Variants in PCDH9 observed in about 807,000 individuals in gnomAD.
PCDH9 encodes protocadherin 9.
Under a neutral mutation model 70.6 loss-of-function variants are expected in PCDH9, and 24 were observed. That is an observed-to-expected ratio of 0.34 (90% CI 0.25 to 0.48). The LOEUF (loss-of-function observed/expected upper bound fraction) is 0.48, where lower values mean the gene tolerates loss of function less well. Ranked by LOEUF, PCDH9 falls within the 20% of genes least tolerant of loss-of-function variation. PCDH9 has a pLI of 0.99. For missense variants in PCDH9, 1,281 were observed against 1,503.6 expected, an observed-to-expected ratio of 0.85 and a Z score of 2.45; for synonymous variants, 562 against 558.5, an observed-to-expected ratio of 1.01 and a Z score of -0.09.
intron 2 of PCDH9, among the ~76,000 whole-genome samples, chr13:66,927,509 G>T (rs926342444): frequency 6.6e-6 from 1 of 152,016 alleles, no homozygotes; most frequent in Non-Finnish European, 1.5e-5. Flanking sequence ...GTTTACCTAT[G>T]TAACAAACCT....
intron 3 of PCDH9, among the ~76,000 whole-genome samples, chr13:66,856,838 G>A (rs543143289): frequency 5.3e-5 from 8 of 152,030 alleles, no homozygotes; most frequent in South Asian, 4.2e-4. Context: ...CCAAAATAGC[G>A]TTTCTACAAT....
chr13:66,431,616 G>C (rs1276240714), intron 4 of PCDH9, among the ~76,000 whole-genome samples: 1 of 151,900 alleles, frequency 6.6e-6, no homozygotes, highest in Non-Finnish European at 1.5e-5. Context: ...AGTATAACAT[G>C]AACATACATG....
chr13:66,839,944 C>T (rs1289728441), intron 3 of PCDH9, among the ~76,000 whole-genome samples: 1 of 152,192 alleles, frequency 6.6e-6, no homozygotes, highest in Non-Finnish European at 1.5e-5. Flanking sequence ...ATTCTTCTTT[C>T]ATATTTTGCC....
chr13:67,120,972 T>A (rs1052381695), intron 2 of PCDH9, among the ~76,000 whole-genome samples: 2 of 151,754 alleles, frequency 1.3e-5, no homozygotes, highest in Non-Finnish European at 2.9e-5. Flanking sequence ...AGAAGAAGCA[T>A]TCCATTGTTA....
chr13:66,658,841 A>T (rs2139010370), intron 3 of PCDH9, among the ~76,000 whole-genome samples: 1 of 152,176 alleles, frequency 6.6e-6, no homozygotes, highest in East Asian at 1.9e-4. Flanking sequence ...ACATTTTTAA[A>T]GCATTTATTG....
intron 2 of PCDH9, among the ~76,000 whole-genome samples, chr13:67,098,407 A>C (rs2086365520): frequency 6.6e-6 from 1 of 152,178 alleles, no homozygotes; most frequent in Admixed American, 6.5e-5. Context: ...TTTAACATTA[A>C]GCGTAATAAA....
intron 2 of PCDH9, among the ~76,000 whole-genome samples, chr13:67,099,462 A>C (rs2086388391): frequency 6.6e-6 from 1 of 152,170 alleles, no homozygotes; most frequent in Non-Finnish European, 1.5e-5. Flanking sequence ...CTATATATCT[A>C]ACTTAAGGGA....
intron 4 of PCDH9, among the ~76,000 whole-genome samples, chr13:66,383,358 T>C (rs1386178366): frequency 6.6e-6 from 1 of 152,188 alleles, no homozygotes; most frequent in Admixed American, 6.5e-5. Context: ...CTAAGAAAAA[T>C]TGAGTGCTTG....
At chr13:67,107,054 C>G (rs1366013149) in intron 2 of PCDH9, among the ~76,000 whole-genome samples, 1 of 152,186 alleles carries the variant, frequency 6.6e-6, no homozygotes, top group African/African-American at 2.4e-5. Flanking sequence ...GGCAGACAGG[C>G]TCCTTGATGG....
intron 2 of PCDH9, among the ~76,000 whole-genome samples, chr13:67,155,622 C>G (rs2087790308): frequency 6.6e-6 from 1 of 152,058 alleles, no homozygotes; most frequent in Non-Finnish European, 1.5e-5. Context: ...GGGCATCCTC[C>G]TTTTCCCTCT....
At chr13:66,673,782 G>A (rs184433104) in intron 3 of PCDH9, among the ~76,000 whole-genome samples, 105 of 152,112 alleles carry the variant, frequency 6.9e-4, no homozygotes, top group African/African-American at 2.5e-3. Context: ...CACTACATAG[G>A]CCCAATATCT....
intron 2 of PCDH9, among the ~76,000 whole-genome samples, chr13:67,080,722 C>T (rs1011662123): frequency 1.3e-5 from 2 of 152,106 alleles, no homozygotes; most frequent in Admixed American, 1.3e-4. Context: ...AGGCAAACTG[C>T]CTTAAAATTA....
At chr13:66,900,272 C>T (rs765810678) in intron 3 of PCDH9, among the ~76,000 whole-genome samples, 14 of 151,818 alleles carry the variant, frequency 9.2e-5, no homozygotes, top group African/African-American at 1.2e-4. Context: ...GTCTCCTTTT[C>T]CCATCTGTAG....
At chr13:67,210,088 A>G (rs2089438004) in intron 2 of PCDH9, 1 of 152,132 alleles carries the variant, frequency 6.6e-6, no homozygotes, top group African/African-American at 2.4e-5. Flanking sequence ...AAGTTGAAAT[A>G]TGCTAAAGTC....
intron 3 of PCDH9, among the ~76,000 whole-genome samples, chr13:66,696,219 G>A (rs1255348821): frequency 1.3e-5 from 2 of 152,014 alleles, no homozygotes; most frequent in African/African-American, 4.8e-5. Context: ...TTCTTAGGCT[G>A]TATCACACTA....
At chr13:67,115,954 CT>C (rs2086762547) in intron 2 of PCDH9, among the ~76,000 whole-genome samples, 1 of 152,152 alleles carries the variant, frequency 6.6e-6, no homozygotes, top group South Asian at 2.1e-4. Flanking sequence ...ACTAAAGGCA[CT>C]AGTCAGATTG....
At chr13:67,094,540 G>C (rs2086282048) in intron 2 of PCDH9, among the ~76,000 whole-genome samples, 1 of 152,068 alleles carries the variant, frequency 6.6e-6, no homozygotes, top group Admixed American at 6.6e-5. Flanking sequence ...TCAAATGTTG[G>C]TAATAAGGTT....
At chr13:66,874,905 A>C (rs1489270140) in intron 3 of PCDH9, among the ~76,000 whole-genome samples, 1 of 137,998 alleles carries the variant, frequency 7.2e-6, no homozygotes, top group Non-Finnish European at 1.6e-5. Context: ...TTGTGTGTAC[A>C]AAAGCAGCAG....
intron 2 of PCDH9, among the ~76,000 whole-genome samples, chr13:67,142,515 C>G (rs2087419285): frequency 1.3e-5 from 2 of 152,150 alleles, no homozygotes; most frequent in Non-Finnish European, 2.9e-5. Context: ...GTTCACTACT[C>G]TCCTCCTGGT....
Sources: allele counts gnomAD v4.1 joint callset (sites outside exome capture counted in the v4.1 genomes callset), GRCh38; gene constraint gnomAD v4.1.1; transcripts MANE v1.5; gene names NCBI Gene and HGNC (gene_info 2026-07-23, HGNC 2026-07-21).